NRXN3: variants seen among roughly 807,000 people sequenced by gnomAD.
NRXN3 encodes the protein neurexin III.
Under a neutral mutation model 137.6 loss-of-function variants are expected in NRXN3, and 32 were observed. That is an observed-to-expected ratio of 0.23 (90% CI 0.18 to 0.31). NRXN3 has a LOEUF of 0.31. NRXN3 is among the 10% of genes least tolerant of loss of function. The pLI, the probability that NRXN3 is intolerant of heterozygous loss-of-function variation, is 1.00. For synonymous variants in NRXN3, 798 were observed against 784.5 expected (o/e 1.02, Z -0.29); for missense variants, 1,574 against 2,062.5 (o/e 0.76, Z 4.59).
chr14:78,476,667 A>G (rs1289973452), intron 4 of NRXN3, among the ~76,000 whole-genome samples: 1 of 152,222 alleles, frequency 6.6e-6, no homozygotes, highest in Non-Finnish European at 1.5e-5. Flanking sequence ...CAATTGATTT[A>G]TAATATGAAT....
intron 15 of NRXN3, among the ~76,000 whole-genome samples, chr14:79,431,404 G>A (rs1042642237): frequency 2.0e-5 from 3 of 152,088 alleles, no homozygotes; most frequent in Non-Finnish European, 4.4e-5. Context: ...TATATTAATT[G>A]TTGGCTCTAT....
intron 10 of NRXN3, among the ~76,000 whole-genome samples, chr14:78,900,448 T>C (rs556361963): frequency 4.9e-4 from 74 of 151,684 alleles, no homozygotes; most frequent in Non-Finnish European, 9.3e-4. Flanking sequence ...TTTTTCTTTT[T>C]TTTTTTTCAC....
intron 19 of NRXN3, among the ~76,000 whole-genome samples, chr14:79,794,772 C>T (rs1428714529): frequency 6.6e-6 from 1 of 152,148 alleles, no homozygotes. Context: ...TCAAATAAAG[C>T]TGTTTGATTC....
At chr14:79,218,997 G>A in intron 15 of NRXN3, among the ~76,000 whole-genome samples, 1 of 152,114 alleles carries the variant, frequency 6.6e-6, no homozygotes, top group South Asian at 2.1e-4. Flanking sequence ...CCTTGTTTTA[G>A]GGTGGTGCTG....
At chr14:78,495,372 C>CT (rs1415842944) in intron 4 of NRXN3, among the ~76,000 whole-genome samples, 1 of 152,016 alleles carries the variant, frequency 6.6e-6, no homozygotes, top group African/African-American at 2.4e-5. Flanking sequence ...AAAAAAATGA[C>CT]TTCTTGTTTT....
chr14:79,544,188 G>C (rs1210461154), intron 16 of NRXN3, among the ~76,000 whole-genome samples: 1 of 152,252 alleles, frequency 6.6e-6, no homozygotes, highest in African/African-American at 2.4e-5. Context: ...GATTCTGTCA[G>C]TAACTAAGTA....
intron 16 of NRXN3, among the ~76,000 whole-genome samples, chr14:79,552,734 G>T (rs994841500): frequency 6.6e-6 from 1 of 152,066 alleles, no homozygotes; most frequent in Non-Finnish European, 1.5e-5. Context: ...TGCACTATGG[G>T]GCAGGTGATG....
At position 78,728,236 on chromosome 14, in the gene NRXN3, A is replaced by AT. The variant is rs1020003570; in HGVS notation, c.2044+13105dup. On this transcript the variant is annotated intron_variant, in intron 8 of 20. Coordinates refer to ENST00000335750, the MANE Select transcript of NRXN3 (RefSeq NM_001330195.2). Reference sequence around the variant, plus strand: ...TTCACAAGCTCAGTGGGTCCTTGTGATTTTTTTTAACATGTAATCGTCCCT... The same window carrying AT: ...TTCACAAGCTCAGTGGGTCCTTGTGATTTTTTTTTAACATGTAATCGTCCCT... Among the ~76,000 whole-genome samples the AT allele has an allele frequency of 9.2e-5, 14 of 152,094 alleles. No individual in the cohort carries two copies. In the East Asian group the frequency reaches 1.4e-3, roughly 15 times the overall value.
chr14:79,624,845 C>A lies in NRXN3; in HGVS notation c.3445-38933C>A, dbSNP rs2098266775. Among the ~76,000 whole-genome samples, 3 of 148,932 alleles carry A rather than the reference C, an allele frequency of 2.0e-5. No homozygotes were observed. In the South Asian group the frequency reaches 6.3e-4, roughly 31 times the overall value. On this transcript the variant is annotated intron_variant, in intron 16 of 20. Coordinates refer to ENST00000335750, the MANE Select transcript of NRXN3 (RefSeq NM_001330195.2). ...TTTAAACAAGATCTCACACTGTTGC[C>A]CAGGCTGGAGTACAGTCACATGATT... is the stretch of plus-strand genomic sequence containing the variant.
chr14:79,771,049 C>G (rs1380625907), intron 19 of NRXN3, among the ~76,000 whole-genome samples: 5 of 152,144 alleles, frequency 3.3e-5, no homozygotes, highest in Admixed American at 3.3e-4. Flanking sequence ...TTCCTTGAAA[C>G]ATACACTCTC....
At chr14:79,205,938 T>C (rs988168748) in intron 15 of NRXN3, among the ~76,000 whole-genome samples, 2 of 152,118 alleles carry the variant, frequency 1.3e-5, no homozygotes, top group African/African-American at 4.8e-5. Flanking sequence ...TGGTACCTCA[T>C]CATTGTAGTT....
intron 16 of NRXN3, among the ~76,000 whole-genome samples, chr14:79,615,497 G>GT (rs1567671829): frequency 6.6e-6 from 1 of 152,102 alleles, no homozygotes; most frequent in Non-Finnish European, 1.5e-5. Context: ...CTGTATGTAT[G>GT]TATTAGTCCA....
intron 16 of NRXN3, among the ~76,000 whole-genome samples, chr14:79,650,119 G>GCTTA (rs1326564096): frequency 7.9e-5 from 12 of 152,130 alleles, no homozygotes; most frequent in African/African-American, 2.7e-4. Context: ...TTGCTTGCTT[G>GCTTA]CTTGCTTGCT....
intron 19 of NRXN3, among the ~76,000 whole-genome samples, chr14:79,718,983 C>T (rs908743654): frequency 3.3e-5 from 5 of 152,124 alleles, no homozygotes; most frequent in African/African-American, 4.8e-5. Flanking sequence ...TTCAAACTCT[C>T]AACTTGGTCT....
intron 4 of NRXN3, among the ~76,000 whole-genome samples, chr14:78,522,190 CT>C (rs1380008436): frequency 6.6e-6 from 1 of 152,088 alleles, no homozygotes. Flanking sequence ...AGTTACTATG[CT>C]TTTTTACATA....
chr14:78,230,048 A>G (rs1238484926), intron 1 of NRXN3, among the ~76,000 whole-genome samples: 3 of 152,086 alleles, frequency 2.0e-5, no homozygotes, highest in African/African-American at 2.4e-5. Context: ...TTCTTGAGAC[A>G]GGGTTTCCCT....
chr14:79,704,364 C>A (rs2098767871), intron 19 of NRXN3, among the ~76,000 whole-genome samples: 1 of 152,074 alleles, frequency 6.6e-6, no homozygotes, highest in South Asian at 2.1e-4. Flanking sequence ...ACCTTATCCC[C>A]AAATACTGTG....
chr14:79,316,240 G>T (rs1008634095), intron 15 of NRXN3, among the ~76,000 whole-genome samples: 1 of 152,162 alleles, frequency 6.6e-6, no homozygotes, highest in Non-Finnish European at 1.5e-5. Context: ...CCTTGTAAAT[G>T]TATCTCGTTG....
chr14:79,064,619 T>TTA (rs35498858), intron 15 of NRXN3, among the ~76,000 whole-genome samples: 87,804 of 149,226 alleles, frequency 0.59, 26,546 homozygotes, highest in East Asian at 0.81. Context: ...ATAAAACAAG[T>TTA]TATATATGTA....
Sources: allele counts gnomAD v4.1 joint callset (sites outside exome capture counted in the v4.1 genomes callset), GRCh38; gene constraint gnomAD v4.1.1; transcripts MANE v1.5; gene names NCBI Gene and HGNC (gene_info 2026-07-23, HGNC 2026-07-21).